Variants in DGKB observed in about 807,000 individuals in gnomAD.
The protein encoded by DGKB is diacylglycerol kinase beta.
In DGKB, 67 loss-of-function variants were observed where a neutral mutation model predicts 114.3. That is an observed-to-expected ratio of 0.59 (90% CI 0.48 to 0.72). The LOEUF (loss-of-function observed/expected upper bound fraction) is 0.72, where lower values mean the gene tolerates loss of function less well. Ranked by LOEUF, DGKB falls within the 30% of genes least tolerant of loss-of-function variation. The pLI, the probability that DGKB is intolerant of heterozygous loss-of-function variation, is 0.00. For missense variants in DGKB, 907 were observed against 975.2 expected (o/e 0.93, Z 0.93); for synonymous variants, 398 against 323.1 (o/e 1.23, Z -2.49).
At chr7:14,735,971 T>G in intron 5 of DGKB, 70 bp downstream of exon 5, 2 of 928,966 alleles carry the variant, frequency 2.2e-6, no homozygotes, top group African/African-American at 3.4e-5. Flanking sequence ...ATTCATCTTT[T>G]ATGATAACTA....
chr7:14,730,356 G>C (rs1208787416), intron 5 of DGKB, among the ~76,000 whole-genome samples: 1 of 152,092 alleles, frequency 6.6e-6, no homozygotes, highest in Non-Finnish European at 1.5e-5. Flanking sequence ...AGAGTGCCAG[G>C]GTTTCTTCCC....
chr7:14,178,813 AAT>A, intron 23 of DGKB, among the ~76,000 whole-genome samples: 1 of 152,218 alleles, frequency 6.6e-6, no homozygotes, highest in African/African-American at 2.4e-5. Flanking sequence ...ATTATTATTA[AAT>A]TTTTTTTTAG....
At chr7:14,358,286 C>G (rs567480000) in intron 21 of DGKB, among the ~76,000 whole-genome samples, 1 of 152,242 alleles carries the variant, frequency 6.6e-6, no homozygotes, top group South Asian at 2.1e-4. Context: ...AGGCTTTGTT[C>G]ATTTCTTTTT....
At chr7:14,521,149 A>G (rs1789704500) in intron 20 of DGKB, among the ~76,000 whole-genome samples, 1 of 152,062 alleles carries the variant, frequency 6.6e-6, no homozygotes, top group Non-Finnish European at 1.5e-5. Flanking sequence ...TGTATGTAAT[A>G]TTTTCGTTTA....
At chr7:14,390,845 A>C (rs1414794379) in intron 21 of DGKB, among the ~76,000 whole-genome samples, 3 of 152,228 alleles carry the variant, frequency 2.0e-5, no homozygotes, top group African/African-American at 4.8e-5. Context: ...TAGAATTTAG[A>C]AGGTAGAATA....
intron 21 of DGKB, among the ~76,000 whole-genome samples, chr7:14,438,990 T>C (rs1046832745): frequency 1.6e-5 from 1 of 63,402 alleles, no homozygotes; most frequent in Non-Finnish European, 3.9e-5. Context: ...GGAAGCCTCC[T>C]TTTTTTTTTC....
chr7:14,149,116 T>TGAAACAACACAGGATTATTCCTTGCTTCG lies in DGKB; in HGVS notation c.2398_*14dup. The TGAAACAACACAGGATTATTCCTTGCTTCG allele has an allele frequency of 6.2e-7, 1 of 1,605,914 alleles. No homozygotes were observed. Among genetic ancestry groups the TGAAACAACACAGGATTATTCCTTGCTTCG allele is most frequent in the Non-Finnish European group, 8.5e-7 (1 of 1,172,746 alleles). ...ATTATGCTAATTCAATTTCTAAGAG[T>TGAAACAACACAGGATTATTCCTTGCTTCG]GAAACAACACAGGATTATTCCTTGC... is the stretch of plus-strand genomic sequence containing the variant. On this transcript the variant is annotated 3_prime_UTR_variant, in exon 26 of 26. Transcript: ENST00000402815.
chr7:14,580,647 A>G (rs1202251472), intron 19 of DGKB, among the ~76,000 whole-genome samples: 1 of 152,210 alleles, frequency 6.6e-6, no homozygotes, highest in Non-Finnish European at 1.5e-5. Flanking sequence ...TTAAGTCTCT[A>G]TTTAATATCA....
intron 21 of DGKB, among the ~76,000 whole-genome samples, chr7:14,455,577 C>T (rs1832166117): frequency 6.6e-6 from 1 of 151,850 alleles, no homozygotes; most frequent in Admixed American, 6.6e-5. Context: ...CTAGAGAGTA[C>T]CTTTGCACAG....
chr7:14,548,778 C>T (rs1053354594), intron 20 of DGKB, among the ~76,000 whole-genome samples: 40 of 152,022 alleles, frequency 2.6e-4, no homozygotes, highest in African/African-American at 8.7e-4. Context: ...TTAGGAGGCA[C>T]GGTGATTGCA....
chr7:14,969,517 T>G (rs1156716380), intron 1 of DGKB, among the ~76,000 whole-genome samples: 1 of 152,120 alleles, frequency 6.6e-6, no homozygotes, highest in Non-Finnish European at 1.5e-5. Context: ...AGAAGGTGAG[T>G]GGTGGGCCAA....
chr7:14,824,960 A>AAT (rs112399052), intron 2 of DGKB, among the ~76,000 whole-genome samples: 3 of 144,918 alleles, frequency 2.1e-5, no homozygotes, highest in African/African-American at 7.6e-5. Flanking sequence ...TATGTACCTA[A>AAT]ATCCATATAT....
chr7:14,437,621 A>T (rs1235461983), intron 21 of DGKB, among the ~76,000 whole-genome samples: 1 of 151,976 alleles, frequency 6.6e-6, no homozygotes, highest in Non-Finnish European at 1.5e-5. Context: ...TTCAACTAAG[A>T]TAATTGTGTT....
chr7:14,288,965 CATACAGCA>C (rs904486710), intron 23 of DGKB, among the ~76,000 whole-genome samples: 1 of 152,152 alleles, frequency 6.6e-6, no homozygotes, highest in African/African-American at 2.4e-5. Context: ...GCCTTTAGCA[CATACAGCA>C]ATACAGAATG....
rs1811102340 is a variant in DGKB at position 14,338,623 on chromosome 7, G to T, written c.2014C>A (p.Leu672Ile). 3.7e-6 allele frequency: 6 copies of T among 1,609,614 alleles called. No homozygotes were observed. The highest frequency in any genetic ancestry group is 1.3e-5 in the African/African-American group (1 of 74,594). ...NIPSMHGGSNLWGESKKRRSH... is the reference protein window; with the variant it reads ...NIPSMHGGSNIWGESKKRRSH... The stretch of plus-strand genomic sequence containing the variant: ...CGTCTTTTCTTAGACTCTCCCCAAA[G>T]ATTGGATCCTCCATGCATGCTTGGT... Residue 672 changes from leucine to isoleucine, a missense_variant, in exon 23 of 26, where the codon CTT becomes ATT. By Grantham distance (5) the Leu-to-Ile change is conservative (BLOSUM62 2). Transcript: ENST00000402815.
intron 21 of DGKB, among the ~76,000 whole-genome samples, chr7:14,391,623 T>A (rs919974937): frequency 6.6e-6 from 1 of 152,158 alleles, no homozygotes; most frequent in Non-Finnish European, 1.5e-5. Flanking sequence ...CACTTGAGCC[T>A]GGCAGGTTGA....
At chr7:14,633,382 G>A (rs956001366) in intron 13 of DGKB, among the ~76,000 whole-genome samples, 1 of 151,786 alleles carries the variant, frequency 6.6e-6, no homozygotes, top group African/African-American at 2.4e-5. Flanking sequence ...CCTTCTGAGA[G>A]CAACACTAGA....
At chr7:14,648,064 G>A (rs577422734) in intron 13 of DGKB, among the ~76,000 whole-genome samples, 2 of 152,308 alleles carry the variant, frequency 1.3e-5, no homozygotes, top group East Asian at 3.9e-4. Context: ...AGCGAGGCTG[G>A]GGGAGGGGCG....
chr7:14,368,573 CTG>C (rs3069084), intron 21 of DGKB, among the ~76,000 whole-genome samples: 233 of 148,620 alleles, frequency 1.6e-3, no homozygotes, highest in African/African-American at 4.1e-3. Flanking sequence ...GGTATTTTCT[CTG>C]TGTGTGTGTG....
Sources: allele counts gnomAD v4.1 joint callset (sites outside exome capture counted in the v4.1 genomes callset), GRCh38; gene constraint gnomAD v4.1.1; transcripts MANE v1.5; gene names NCBI Gene and HGNC (gene_info 2026-07-23, HGNC 2026-07-21).